TMEM132C: variants seen among roughly 807,000 people sequenced by gnomAD.
TMEM132C encodes the protein protein phosphatase 1, regulatory subunit 152.
In TMEM132C, 29 loss-of-function variants were observed where a neutral mutation model predicts 61.4. The observed-to-expected ratio is 0.47, with a 90% confidence interval of 0.35 to 0.64. TMEM132C has a LOEUF of 0.64. Among genes scored for constraint, TMEM132C ranks in the 30% least tolerant of loss-of-function variants. The pLI, the probability that TMEM132C is intolerant of heterozygous loss-of-function variation, is 0.00. For missense variants in TMEM132C, 1,408 were observed against 1,476.9 expected (o/e 0.95, Z 0.76); for synonymous variants, 656 against 633.1 (o/e 1.04, Z -0.54).
intron 2 of TMEM132C, among the ~76,000 whole-genome samples, chr12:128,541,620 T>G (rs1476295558): frequency 1.3e-5 from 2 of 152,172 alleles, no homozygotes; most frequent in African/African-American, 4.8e-5. Flanking sequence ...TATCACGGTC[T>G]TTATATCACG....
chr12:128,532,691 CAT>C (rs1469411514), intron 2 of TMEM132C, among the ~76,000 whole-genome samples: 1 of 116,738 alleles, frequency 8.6e-6, no homozygotes. Context: ...ATTAGAGAAA[CAT>C]ATTAAAGAAA....
intron 3 of TMEM132C, among the ~76,000 whole-genome samples, chr12:128,546,410 A>C (rs539038225): frequency 8.4e-4 from 128 of 152,314 alleles, no homozygotes; most frequent in Middle Eastern, 3.4e-3. Flanking sequence ...GGGAACCTGA[A>C]TGAGAAGCAG....
chr12:128,489,496 C>A (rs1871631884), intron 2 of TMEM132C, among the ~76,000 whole-genome samples: 2 of 150,644 alleles, frequency 1.3e-5, no homozygotes, highest in African/African-American at 4.9e-5. Context: ...AGAAGGAGTG[C>A]AGGACAGACT....
chr12:128,506,562 A>G (rs1295887660), intron 2 of TMEM132C, among the ~76,000 whole-genome samples: 1 of 152,024 alleles, frequency 6.6e-6, no homozygotes, highest in African/African-American at 2.4e-5. Context: ...ATCCAGCTTA[A>G]ATTTAAATTG....
At chr12:128,287,407 C>T (rs749899186) in intron 1 of TMEM132C, among the ~76,000 whole-genome samples, 3 of 152,180 alleles carry the variant, frequency 2.0e-5, no homozygotes, top group Non-Finnish European at 2.9e-5. Context: ...TCCAAATTAA[C>T]ATTTACCAGG....
intron 2 of TMEM132C, among the ~76,000 whole-genome samples, chr12:128,482,302 C>G (rs1871337990): frequency 6.6e-6 from 1 of 152,138 alleles, no homozygotes; most frequent in Non-Finnish European, 1.5e-5. Flanking sequence ...GACGAAAGCA[C>G]TGGGGAATTC....
intron 2 of TMEM132C, among the ~76,000 whole-genome samples, chr12:128,468,166 C>A (rs147431736): frequency 6.6e-6 from 1 of 152,066 alleles, no homozygotes; most frequent in Non-Finnish European, 1.5e-5. Context: ...GCAGGGCTAG[C>A]GGTCCAGAGG....
intron 1 of TMEM132C, among the ~76,000 whole-genome samples, chr12:128,311,231 T>C (rs1469630994): frequency 6.6e-6 from 1 of 152,220 alleles, no homozygotes; most frequent in Non-Finnish European, 1.5e-5. Context: ...TCCAACACTC[T>C]GACAAGATAA....
chr12:128,445,960 C>T (rs1234814976), intron 2 of TMEM132C, among the ~76,000 whole-genome samples: 1 of 152,186 alleles, frequency 6.6e-6, no homozygotes, highest in Non-Finnish European at 1.5e-5. Context: ...TACTTAATCT[C>T]TGTCATCTAC....
At chr12:128,296,164 C>T (rs1000301466) in intron 1 of TMEM132C, among the ~76,000 whole-genome samples, 1 of 152,202 alleles carries the variant, frequency 6.6e-6, no homozygotes, top group African/African-American at 2.4e-5. Flanking sequence ...AGACAGGACT[C>T]AGGGCCTATC....
Position 128,696,119 on chromosome 12 carries a change from T to C in TMEM132C, c.1929+16T>C. 1.3e-6 allele frequency: 2 copies of C among 1,548,406 alleles called. No homozygotes were observed. The highest frequency in any genetic ancestry group is 2.0e-5 in the Admixed American group (1 of 50,866). On this transcript the variant is annotated intron_variant, in intron 7 of 8. Transcript: ENST00000435159. Reference sequence around the variant, plus strand: ...GACCATCCAGGTAGGAAGCTGGGAGTCTCTGTGTCCCCAGCACTGGGCATG... The same window carrying C: ...GACCATCCAGGTAGGAAGCTGGGAGCCTCTGTGTCCCCAGCACTGGGCATG...
Position 128,706,504 on chromosome 12 carries a change from A to G in TMEM132C, c.*209A>G. On this transcript the variant is annotated 3_prime_UTR_variant, in exon 9 of 9. Transcript: ENST00000435159. Reference sequence around the variant, plus strand: ...GTGGTGGATTTTTAAAGGTCAGGGGAATAAAGTCTGGGGCATGGGGAGTGC... The same window carrying G: ...GTGGTGGATTTTTAAAGGTCAGGGGGATAAAGTCTGGGGCATGGGGAGTGC... 1.6e-6 allele frequency: 1 copy of G among 618,638 alleles called. No homozygotes were observed. The highest frequency in any genetic ancestry group is 2.5e-6 in the Non-Finnish European group (1 of 399,670). 38.3% of individuals were successfully genotyped at this position (618,638 alleles called of 1,614,324 possible).
At position 128,351,045 on chromosome 12, in the gene TMEM132C, T is replaced by G. The variant is rs11059658; in HGVS notation, c.86-63687T>G. ...CTCTTACTCCATAAAATGCCCCAAC[T>G]GTCCAAGAACCCAAGAGAGAAATGA... On this transcript the variant is annotated intron_variant, in intron 1 of 8. Transcript: ENST00000435159. Among the ~76,000 whole-genome samples the G allele has an allele frequency of 2.6e-4, 40 of 152,266 alleles. No individual in the cohort carries two copies. In the East Asian group the frequency reaches 7.3e-3, roughly 28 times the overall value.
At chr12:128,428,500 C>A (rs1869273153) in intron 2 of TMEM132C, among the ~76,000 whole-genome samples, 1 of 152,144 alleles carries the variant, frequency 6.6e-6, no homozygotes, top group Admixed American at 6.5e-5. Context: ...GTCATACACC[C>A]AACTGTCATC....
intron 3 of TMEM132C, among the ~76,000 whole-genome samples, chr12:128,599,223 A>G (rs1368583433): frequency 1.3e-5 from 2 of 152,200 alleles, no homozygotes; most frequent in Non-Finnish European, 2.9e-5. Context: ...AGGTGGAAGC[A>G]TCTTCCTCTC....
At chr12:128,663,063 A>G (rs1954408960) in intron 4 of TMEM132C, among the ~76,000 whole-genome samples, 1 of 151,390 alleles carries the variant, frequency 6.6e-6, no homozygotes, top group Admixed American at 6.6e-5. Context: ...CTCCAGCCCC[A>G]TCCCACACTC....
At chr12:128,567,564 A>T (rs1032183203) in intron 3 of TMEM132C, among the ~76,000 whole-genome samples, 5 of 152,106 alleles carry the variant, frequency 3.3e-5, no homozygotes, top group Non-Finnish European at 7.3e-5. Context: ...GTATGCCTTG[A>T]ATTAATATAA....
intron 2 of TMEM132C, among the ~76,000 whole-genome samples, chr12:128,515,394 T>C (rs1252462748): frequency 6.6e-6 from 1 of 152,204 alleles, no homozygotes; most frequent in African/African-American, 2.4e-5. Context: ...CCAGTGAGGA[T>C]GGCCAAATAC....
chr12:128,626,156 T>A (rs1954013731), intron 4 of TMEM132C, among the ~76,000 whole-genome samples: 1 of 151,056 alleles, frequency 6.6e-6, no homozygotes, highest in Admixed American at 6.6e-5. Flanking sequence ...AGACAGAGTC[T>A]CGCTCTGTTA....
Sources: gnomAD v4.1 joint callset for allele counts (sites outside exome capture counted in the v4.1 genomes callset) on GRCh38, gnomAD v4.1.1 for gene constraint, MANE v1.5 for transcripts, NCBI Gene and HGNC (gene_info 2026-07-23, HGNC 2026-07-21) for gene names.